Variants in FAM81A observed in about 807,000 individuals in gnomAD.
FAM81A encodes protein FAM81A.
FAM81A carries 19 observed loss-of-function variants against 46.7 expected under a neutral mutation model. The observed-to-expected ratio is 0.41, with a 90% confidence interval of 0.28 to 0.60. The LOEUF (loss-of-function observed/expected upper bound fraction) is 0.60, where lower values mean the gene tolerates loss of function less well. Ranked by LOEUF, FAM81A falls within the 20% of genes least tolerant of loss-of-function variation. The pLI is 0.34. For synonymous variants in FAM81A, 183 were observed against 152.9 expected, an observed-to-expected ratio of 1.20 and a Z score of -1.45; for missense variants, 377 against 453.5, an observed-to-expected ratio of 0.83 and a Z score of 1.53.
chr15:59,422,666 C>T (rs978081665), intron 2 of FAM81A, among the ~76,000 whole-genome samples: 56 of 152,094 alleles, frequency 3.7e-4, no homozygotes, highest in Admixed American at 2.0e-3. Context: ...TTAGTAGAGA[C>T]GGGGTTTCAC....
chr15:59,503,140 G>C (rs777877016), intron 4 of FAM81A, among the ~76,000 whole-genome samples: 3 of 151,086 alleles, frequency 2.0e-5, no homozygotes, highest in Non-Finnish European at 4.4e-5. Flanking sequence ...CACTCAGGAG[G>C]CTGAGGCAGG....
Position 59,521,458 on chromosome 15 carries a change from T to A in FAM81A, c.*80T>A. 6.7e-7 allele frequency: 1 copy of A among 1,492,380 alleles called. No individual in the cohort carries two copies. The highest frequency in any genetic ancestry group is 9.0e-7 in the Non-Finnish European group (1 of 1,114,904). 92.4% of individuals were successfully genotyped at this position (1,492,380 alleles called of 1,614,324 possible). Reference sequence around the variant, plus strand: ...GATACCTCTGTAGCCAGGCCATCGCTGCATTCAGGATTGTTCCATCCATGG... The same window carrying A: ...GATACCTCTGTAGCCAGGCCATCGCAGCATTCAGGATTGTTCCATCCATGG... On this transcript the variant is annotated 3_prime_UTR_variant, in exon 9 of 9. Coordinates refer to ENST00000288228, the MANE Select transcript of FAM81A (RefSeq NM_152450.3).
chr15:59,463,855 A>G (rs1265273227), intron 3 of FAM81A, among the ~76,000 whole-genome samples: 2 of 152,086 alleles, frequency 1.3e-5, no homozygotes, highest in Admixed American at 6.5e-5. Flanking sequence ...AAATTGACAG[A>G]CAATAATTAT....
At chr15:59,434,009 C>A (rs1403258909), upstream of FAM81A, among the ~76,000 whole-genome samples, 1 of 152,182 alleles carries the variant, frequency 6.6e-6, no homozygotes, top group Non-Finnish European at 1.5e-5. Context: ...GCACCTGCCA[C>A]CATGCCCGGC....
Position 59,522,034 on chromosome 15 carries a change from G to C in FAM81A, c.*656G>C, listed in dbSNP as rs1357049802. The C allele has an allele frequency of 1.3e-5, 2 of 152,334 alleles. No homozygotes were observed. Among genetic ancestry groups the C allele is most frequent in the East Asian group, 1.9e-4 (1 of 5,194 alleles). The allele number at this position is 152,334 out of a possible 1,614,324, so 9.4% of individuals were successfully genotyped here. A position where few individuals can be genotyped will look rare whatever the true frequency, so the allele number is the denominator to read the frequency against. On this transcript the variant is annotated 3_prime_UTR_variant, in exon 9 of 9. Coordinates refer to ENST00000288228, the MANE Select transcript of FAM81A (RefSeq NM_152450.3). ...TGGAAACTTATTTAGATAACGTAAG[G>C]CTCAATATCTGCGTTGACCACCTAG...
intron 6 of FAM81A, among the ~76,000 whole-genome samples, chr15:59,510,975 C>G (rs566478440): frequency 1.3e-5 from 2 of 151,766 alleles, no homozygotes; most frequent in African/African-American, 4.8e-5. Context: ...TGGTGAAATC[C>G]TGTCTCTATT....
At chr15:59,441,805 C>T (rs913962377) in intron 1 of FAM81A, among the ~76,000 whole-genome samples, 1 of 152,208 alleles carries the variant, frequency 6.6e-6, no homozygotes, top group Non-Finnish European at 1.5e-5. Context: ...CATGTAGACA[C>T]GGGGATGCTG....
At chr15:59,508,524 G>A (rs1472531935) in intron 5 of FAM81A, among the ~76,000 whole-genome samples, 4 of 152,260 alleles carry the variant, frequency 2.6e-5, no homozygotes, top group Non-Finnish European at 4.4e-5. Context: ...ATGACGAGCC[G>A]TTAAACTGAT....
Position 59,508,988 on chromosome 15 carries a change from A to C in FAM81A, c.650+19A>C, listed in dbSNP as rs772288326. The C allele has an allele frequency of 1.6e-5, 25 of 1,580,360 alleles. No individual in the cohort carries two copies. Among genetic ancestry groups the C allele is most frequent in the Non-Finnish European group, 2.2e-5 (25 of 1,160,506 alleles). Reference sequence around the variant, plus strand: ...ACACTAAGTAAGCAATCAATTTATTAAAAAAATAAAACTTAAAGTTCTTTA... The same window carrying C: ...ACACTAAGTAAGCAATCAATTTATTCAAAAAATAAAACTTAAAGTTCTTTA... On this transcript the variant is annotated intron_variant, in intron 6 of 8. Transcript: ENST00000288228.
chr15:59,521,434 A>C lies in FAM81A; in HGVS notation c.*56A>C. 1 of 1,539,556 alleles carries C rather than the reference A, an allele frequency of 6.5e-7. No individual in the cohort carries two copies. ...TTTTGCCAGTGGGGCTAGGAGCCGG[A>C]TACCTCTGTAGCCAGGCCATCGCTG... On this transcript the variant is annotated 3_prime_UTR_variant, in exon 9 of 9. Transcript: ENST00000288228.
intron 6 of FAM81A, among the ~76,000 whole-genome samples, chr15:59,513,219 C>T (rs1043781599): frequency 1.3e-5 from 2 of 151,982 alleles, no homozygotes; most frequent in Non-Finnish European, 2.9e-5. Context: ...TTTTTTCTTT[C>T]AATTTTTCTT....
chr15:59,428,413 ATATTATTATTATTATTATTAT>A (rs143696862), intron 2 of FAM81A, among the ~76,000 whole-genome samples: 64 of 140,720 alleles, frequency 4.5e-4, no homozygotes, highest in African/African-American at 1.1e-3. Context: ...ATTCTTTTTG[ATATTATTATTATTATTATTAT>A]TATTATTATT....
At chr15:59,447,478 G>A (rs766207318) in intron 1 of FAM81A, among the ~76,000 whole-genome samples, 2 of 152,230 alleles carry the variant, frequency 1.3e-5, no homozygotes, top group African/African-American at 2.4e-5. Context: ...TGAGAGATGA[G>A]CTGCCTATGA....
At chr15:59,420,193 A>G (rs968794683) in intron 2 of FAM81A, among the ~76,000 whole-genome samples, 5 of 152,218 alleles carry the variant, frequency 3.3e-5, no homozygotes, top group Admixed American at 3.3e-4. Flanking sequence ...AACAAACACA[A>G]GCAGGAAACA....
chr15:59,491,924 C>G (rs2081985520), intron 3 of FAM81A, among the ~76,000 whole-genome samples: 1 of 151,764 alleles, frequency 6.6e-6, no homozygotes, highest in African/African-American at 2.4e-5. Context: ...TGAGATTGTG[C>G]CACTGCACTC....
rs1331342570 is a variant in FAM81A at position 59,460,419 on chromosome 15, G to A, written c.294+213G>A. On this transcript the variant is annotated intron_variant, in intron 3 of 8. Coordinates refer to ENST00000288228, the MANE Select transcript of FAM81A (RefSeq NM_152450.3). This position sits in a 1 kb window ranked among gnomAD's most constrained non-coding sequence, Gnocchi z 4.4. ...GTGTTTGATAACAGTTACTGTTAGT[G>A]TTATGTTTAATCTAAATTTACCTTG... is the stretch of plus-strand genomic sequence containing the variant. The A allele has an allele frequency of 2.9e-6, 2 of 685,132 alleles. No individual in the cohort carries two copies. Among genetic ancestry groups the A allele is most frequent in the Non-Finnish European group, 5.1e-6 (2 of 388,644 alleles). The allele number at this position is 685,132 out of a possible 1,614,324, so 42.4% of individuals were successfully genotyped here. A position where few individuals can be genotyped will look rare whatever the true frequency, so the allele number is the denominator to read the frequency against.
At chr15:59,501,562 A>G (rs939342163) in intron 4 of FAM81A, among the ~76,000 whole-genome samples, 5 of 152,192 alleles carry the variant, frequency 3.3e-5, no homozygotes, top group African/African-American at 9.6e-5. Flanking sequence ...TGGGTTTGGT[A>G]TGTTATGCTA....
At chr15:59,518,060 C>A (rs2082285491) in intron 8 of FAM81A, among the ~76,000 whole-genome samples, 1 of 151,322 alleles carries the variant, frequency 6.6e-6, no homozygotes, top group Admixed American at 6.6e-5. Context: ...GCAACCTCTG[C>A]CTTCAGGGTA....
intron 1 of FAM81A, among the ~76,000 whole-genome samples, chr15:59,457,218 T>C (rs8029197): frequency 0.83 from 125,542 of 152,168 alleles, 52,091 homozygotes; most frequent in African/African-American, 0.91. Flanking sequence ...AAATTGTGTG[T>C]TGTTCTGAAA....
Sources: gnomAD v4.1 joint callset for allele counts (sites outside exome capture counted in the v4.1 genomes callset) on GRCh38, gnomAD v4.1.1 for gene constraint, Gnocchi (gnomAD v3.1) non-coding constraint, MANE v1.5 for transcripts, NCBI Gene and HGNC (gene_info 2026-07-23, HGNC 2026-07-21) for gene names.